SRD5A1: variants seen among roughly 807,000 people sequenced by gnomAD.
SRD5A1 encodes the protein steroid 5 alpha-reductase 1.
A neutral mutation model predicts 28.2 loss-of-function variants in SRD5A1; 22 were observed. The ratio of observed to expected loss-of-function variants is 0.78; its 90% confidence interval spans 0.56 to 1.12. The LOEUF (loss-of-function observed/expected upper bound fraction) is 1.12, where lower values mean the gene tolerates loss of function less well. Ranked by LOEUF, SRD5A1 falls within the 50% of genes most tolerant of loss-of-function variation. The pLI, the probability that SRD5A1 is intolerant of heterozygous loss-of-function variation, is 0.00. For missense variants in SRD5A1, 300 were observed against 346.7 expected, an observed-to-expected ratio of 0.87 and a Z score of 1.07; for synonymous variants, 151 against 135.0, an observed-to-expected ratio of 1.12 and a Z score of -0.82.
rs77644835 is a variant in SRD5A1 at position 6,647,522 on chromosome 5, A to G, written c.294-4320A>G. 2.1e-4 allele frequency among the ~76,000 whole-genome samples: 32 copies of G among 152,138 alleles called. No individual in the cohort carries two copies. The South Asian group carries it at 3.5e-3, about 17-fold the overall frequency. On this transcript the variant is annotated intron_variant, in intron 1 of 4. Coordinates refer to ENST00000274192, the MANE Select transcript of SRD5A1 (RefSeq NM_001047.4). ...TGCTTGTTGCATTGATCTCTTTACC[A>G]TTATGCCCTTCTTCGTCTCTTTTGA...
chr5:6,662,271 T>TGCCCC (rs1326555371), intron 3 of SRD5A1, among the ~76,000 whole-genome samples: 5 of 152,190 alleles, frequency 3.3e-5, no homozygotes, highest in Non-Finnish European at 7.3e-5. Flanking sequence ...CACTCTGCCC[T>TGCCCC]GCCCCTCGCT....
At chr5:6,655,181 A>G (rs1178328697) in intron 2 of SRD5A1, among the ~76,000 whole-genome samples, 1 of 152,216 alleles carries the variant, frequency 6.6e-6, no homozygotes, top group Non-Finnish European at 1.5e-5. Flanking sequence ...CCACGTGTAC[A>G]TTGATTTAAT....
rs539789017 is a variant in SRD5A1, at chr5:6,668,481, C to T, written c.*213C>T. The T allele has an allele frequency of 5.1e-5, 20 of 390,756 alleles. No individual in the cohort carries two copies. In the South Asian group the frequency reaches 1.2e-3, roughly 24 times the overall value. 24.2% of individuals were successfully genotyped at this position (390,756 alleles called of 1,614,324 possible). ...TTGAATATCCTACTGTGTAACAGGT[C>T]AGAATTTCAAGCTCTGGGTAATAAC... On this transcript the variant is annotated 3_prime_UTR_variant, in exon 5 of 5. Coordinates refer to ENST00000274192, the MANE Select transcript of SRD5A1 (RefSeq NM_001047.4).
At position 6,668,472 on chromosome 5, in the gene SRD5A1, G is replaced by T; in HGVS notation, c.*204G>T. 1 of 405,988 alleles carries T rather than the reference G, an allele frequency of 2.5e-6. No individual in the cohort carries two copies. The highest frequency in any genetic ancestry group is 4.5e-6 in the Non-Finnish European group (1 of 221,890). The allele number at this position is 405,988 out of a possible 1,614,324, so 25.1% of individuals were successfully genotyped here. A position where few individuals can be genotyped will look rare whatever the true frequency, so the allele number is the denominator to read the frequency against. ...AAATGGAGGTTGAATATCCTACTGT[G>T]TAACAGGTCAGAATTTCAAGCTCTG... On this transcript the variant is annotated 3_prime_UTR_variant, in exon 5 of 5. Transcript: ENST00000274192.
chr5:6,634,475 A>G (rs1412932011), intron 1 of SRD5A1, among the ~76,000 whole-genome samples: 1 of 152,190 alleles, frequency 6.6e-6, no homozygotes, highest in Non-Finnish European at 1.5e-5. Flanking sequence ...CTTGAGGGCC[A>G]CTGGTTTCTA....
chr5:6,650,370 C>G (rs994366016), intron 1 of SRD5A1, among the ~76,000 whole-genome samples: 1 of 150,482 alleles, frequency 6.6e-6, no homozygotes, highest in Non-Finnish European at 1.5e-5. Context: ...ATGATTGCCC[C>G]ACTGCACTCT....
At chr5:6,661,440 A>T (rs1361679756) in intron 3 of SRD5A1, among the ~76,000 whole-genome samples, 2 of 150,442 alleles carry the variant, frequency 1.3e-5, no homozygotes, top group East Asian at 3.9e-4. Context: ...GCATGCATGT[A>T]AGTTGCAGTG....
At chr5:6,664,590 G>C (rs764053437) in intron 4 of SRD5A1, among the ~76,000 whole-genome samples, 46 of 152,106 alleles carry the variant, frequency 3.0e-4, no homozygotes, top group Admixed American at 5.2e-4. Flanking sequence ...ATTTTTTGTA[G>C]AGTTGTGGTC....
chr5:6,633,620 C>G lies in SRD5A1; in HGVS notation c.44C>G (p.Ala15Gly). The change falls in exon 1 of 5, where the codon GCG (alanine) becomes GGG (glycine). Residue 15 changes from alanine to glycine, a missense_variant. This residue lies in a region of SRD5A1 where 174 missense variants were observed against 160.9 expected (regional missense o/e 1.08). Coordinates refer to ENST00000274192, the MANE Select transcript of SRD5A1 (RefSeq NM_001047.4). Reference sequence around the variant, plus strand: ...GTGGCGGAGGAGCGCCTGCTGGCCGCGCTCGCCTACCTGCAGTGCGCCGTG... The same window carrying G: ...GTGGCGGAGGAGCGCCTGCTGGCCGGGCTCGCCTACCTGCAGTGCGCCGTG... ...TGVAEERLLA[A>G]LAYLQCAVGC... 6.5e-7 allele frequency: 1 copy of G among 1,532,284 alleles called. No individual in the cohort carries two copies. Among genetic ancestry groups the G allele is most frequent in the Non-Finnish European group, 8.7e-7 (1 of 1,147,404 alleles). The allele number at this position is 1,532,284 out of a possible 1,614,324, so 94.9% of individuals were successfully genotyped here.
intron 1 of SRD5A1, among the ~76,000 whole-genome samples, chr5:6,636,764 G>A (rs568577330): frequency 1.7e-4 from 26 of 152,328 alleles, no homozygotes; most frequent in South Asian, 4.1e-4. Context: ...GAAGACTTAC[G>A]TGCCAGTGAG....
chr5:6,654,092 G>A lies in SRD5A1; in HGVS notation c.461-1986G>A, dbSNP rs902835873. 1.6e-4 allele frequency among the ~76,000 whole-genome samples: 24 copies of A among 151,582 alleles called. 1 individual carries two copies. The highest frequency in any genetic ancestry group is 4.6e-4 in the African/African-American group (19 of 41,232). On this transcript the variant is annotated intron_variant, in intron 2 of 4. Transcript: ENST00000274192. ...TTTTTTGAGATGGAGTTTCTCTATC[G>A]CCCAGGCTGGAGTGCAGAGGTGCAA...
intron 1 of SRD5A1, among the ~76,000 whole-genome samples, chr5:6,636,133 G>A (rs570294311): frequency 8.5e-5 from 13 of 152,112 alleles, no homozygotes; most frequent in African/African-American, 3.1e-4. Context: ...GTGGTTTGGG[G>A]ACATTTACAT....
At chr5:6,656,472 T>C (rs1738839306) in intron 3 of SRD5A1, among the ~76,000 whole-genome samples, 1 of 152,222 alleles carries the variant, frequency 6.6e-6, no homozygotes, top group South Asian at 2.1e-4. Context: ...CTGACACTTT[T>C]GTTTCTAGCA....
chr5:6,635,829 T>C (rs1738168537), intron 1 of SRD5A1, among the ~76,000 whole-genome samples: 1 of 152,264 alleles, frequency 6.6e-6, no homozygotes, highest in East Asian at 1.9e-4. Context: ...CATGTTTCAT[T>C]GTACCTACAT....
At chr5:6,634,861 G>C (rs1231181651) in intron 1 of SRD5A1, among the ~76,000 whole-genome samples, 1 of 152,306 alleles carries the variant, frequency 6.6e-6, no homozygotes, top group Non-Finnish European at 1.5e-5. Flanking sequence ...ACGACAGGTC[G>C]AAAGTTCAAA....
chr5:6,637,967 C>T (rs1174534994), intron 1 of SRD5A1, among the ~76,000 whole-genome samples: 3 of 152,256 alleles, frequency 2.0e-5, no homozygotes, highest in South Asian at 2.1e-4. Context: ...TTTAAATGTG[C>T]GGTGGGTAAT....
intron 3 of SRD5A1, among the ~76,000 whole-genome samples, chr5:6,660,995 G>A (rs1738982839): frequency 1.3e-5 from 2 of 152,172 alleles, no homozygotes; most frequent in Admixed American, 6.5e-5. Context: ...GAAACCGCCT[G>A]CATGATCCAG....
chr5:6,668,277 T>C lies in SRD5A1; in HGVS notation c.*9T>C. 7.3e-6 allele frequency: 11 copies of C among 1,510,418 alleles called. No individual in the cohort carries two copies. Among genetic ancestry groups the C allele is most frequent in the South Asian group, 1.2e-5 (1 of 83,612 alleles). The allele number at this position is 1,510,418 out of a possible 1,614,324, so 93.6% of individuals were successfully genotyped here. A position where few individuals can be genotyped will look rare whatever the true frequency, so the allele number is the denominator to read the frequency against. On this transcript the variant is annotated 3_prime_UTR_variant, in exon 5 of 5. Coordinates refer to ENST00000274192, the MANE Select transcript of SRD5A1 (RefSeq NM_001047.4). ...TTCCATTTTTGTTTTAAGTGCGTTT[T>C]TCATGAAATTATCTTCAACTTGAAG... is the stretch of plus-strand genomic sequence containing the variant.
At chr5:6,634,837 C>T (rs1379507870) in intron 1 of SRD5A1, among the ~76,000 whole-genome samples, 2 of 152,224 alleles carry the variant, frequency 1.3e-5, no homozygotes, top group African/African-American at 2.4e-5. Context: ...TTGGCTTTTA[C>T]ACAGCCAAAG....
Sources: allele counts gnomAD v4.1 joint callset (sites outside exome capture counted in the v4.1 genomes callset), GRCh38; gene constraint gnomAD v4.1.1; regional missense constraint gnomAD v4.1.1; transcripts MANE v1.5; gene names NCBI Gene and HGNC (gene_info 2026-07-23, HGNC 2026-07-21).